Variants in HTT observed in about 807,000 individuals in gnomAD.
HTT encodes huntington disease protein.
HTT carries 104 observed loss-of-function variants against 362.3 expected under a neutral mutation model. That is an observed-to-expected ratio of 0.29 (90% CI 0.24 to 0.34). The LOEUF is 0.34. HTT is among the 10% of genes least tolerant of loss of function. The pLI, the probability that HTT is intolerant of heterozygous loss-of-function variation, is 1.00. For synonymous variants in HTT, 1,577 were observed against 1,548.7 expected (o/e 1.02, Z -0.43); for missense variants, 3,301 against 3,928.6 (o/e 0.84, Z 4.27).
intron 1 of HTT, among the ~76,000 whole-genome samples, chr4:3,083,993 A>G (rs574944712): frequency 6.6e-6 from 1 of 152,278 alleles, no homozygotes; most frequent in Admixed American, 6.5e-5. Context: ...AAAAAAGCCA[A>G]TCCCAAAAGG....
chr4:3,235,603 C>A lies in HTT; in HGVS notation c.8610C>A (p.Thr2870=), dbSNP rs1261429086. 6.2e-7 allele frequency: 1 copy of A among 1,613,904 alleles called. No individual in the cohort carries two copies. The highest frequency in any genetic ancestry group is 1.7e-5 in the Admixed American group (1 of 60,022). The stretch of plus-strand genomic sequence containing the variant: ...TGCTGTCTGGAAGTGAGGAGTCCAC[C>A]CCCTCCATCATTTACCACTGTGCCC... ...GVMLSGSEES[T]PSIIYHCALR... Residue 2870 remains threonine (T), a synonymous_variant, in exon 63 of 67, where the codon ACC becomes ACA. Transcript: ENST00000355072.
At chr4:3,111,053 T>A (rs1714719776) in intron 6 of HTT, among the ~76,000 whole-genome samples, 1 of 152,226 alleles carries the variant, frequency 6.6e-6, no homozygotes, top group African/African-American at 2.4e-5. Context: ...GGTCTTGCCC[T>A]GTTGCCCAGG....
chr4:3,132,848 G>T lies in HTT; in HGVS notation c.2430G>T (p.Leu810Phe), dbSNP rs1217749703. Residue 810 changes from leucine to phenylalanine, a missense_variant, in exon 18 of 67, where the codon TTG becomes TTT. Leu to Phe is a conservative substitution (Grantham distance 22). Around this residue, in one of 4 missense-constraint regions of HTT, gnomAD observed 2,316 missense variants for 2,658.5 expected, o/e 0.87. Coordinates refer to ENST00000355072, the MANE Select transcript of HTT (RefSeq NM_001388492.1). ...NTFSLADCIP[L>F]LRKTLKDESS... ...TTTCTTTGGCGGATTGCATTCCTTT[G>T]CTGCGGAAAACACTGAAGGATGAGT... 6.2e-7 allele frequency: 1 copy of T among 1,614,166 alleles called. No individual in the cohort carries two copies. The highest frequency in any genetic ancestry group is 8.5e-7 in the Non-Finnish European group (1 of 1,179,996).
At chr4:3,076,302 CCT>C (rs915082873) in intron 1 of HTT, among the ~76,000 whole-genome samples, 1 of 152,172 alleles carries the variant, frequency 6.6e-6, no homozygotes, top group Non-Finnish European at 1.5e-5. Context: ...CTTTCTCTTA[CCT>C]CTCAGTATTC....
intron 41 of HTT, among the ~76,000 whole-genome samples, chr4:3,201,649 A>C (rs1719538478): frequency 6.6e-6 from 1 of 152,126 alleles, no homozygotes; most frequent in Non-Finnish European, 1.5e-5. Context: ...AATATGTAAC[A>C]AGCATGTGAG....
intron 51 of HTT, among the ~76,000 whole-genome samples, chr4:3,216,973 C>T (rs1037805449): frequency 2.0e-5 from 3 of 150,226 alleles, no homozygotes; most frequent in East Asian, 2.0e-4. Flanking sequence ...TGCAGTGAGC[C>T]GAGATCCCGC....
intron 11 of HTT, among the ~76,000 whole-genome samples, chr4:3,126,417 G>A (rs1206695691): frequency 6.6e-6 from 1 of 152,038 alleles, no homozygotes; most frequent in Non-Finnish European, 1.5e-5. Flanking sequence ...ATTAACTGAA[G>A]GTACTAATAA....
intron 60 of HTT, among the ~76,000 whole-genome samples, 154 bp from the exon 61 acceptor site, chr4:3,233,009 C>G (rs1721334608): frequency 6.6e-6 from 1 of 152,268 alleles, no homozygotes; most frequent in African/African-American, 2.4e-5. Context: ...AGGGGCCAGC[C>G]TTGCACACAG....
chr4:3,121,718 T>C (rs1156417457), intron 9 of HTT: 2 of 245,886 alleles, frequency 8.1e-6, no homozygotes, highest in African/African-American at 2.3e-5. Context: ...AAAAAAAAAT[T>C]AGCTGGGCAT....
At chr4:3,112,166 C>A (rs1207492292) in intron 6 of HTT, among the ~76,000 whole-genome samples, 1 of 152,168 alleles carries the variant, frequency 6.6e-6, no homozygotes, top group African/African-American at 2.4e-5. Flanking sequence ...GGTAGCAGAG[C>A]TTCACAAGTT....
chr4:3,189,163 A>ATAGT, intron 40 of HTT, 70 bp downstream of exon 40: 4 of 1,499,578 alleles, frequency 2.7e-6, no homozygotes, highest in Non-Finnish European at 3.7e-6. Flanking sequence ...CTCAGAGTGT[A>ATAGT]GGAGCTGTGC....
At chr4:3,188,839 A>T in intron 39 of HTT, 112 bp from the exon 40 acceptor site, 1 of 1,045,358 alleles carries the variant, frequency 9.6e-7, no homozygotes, top group Non-Finnish European at 1.4e-6. Context: ...CGGTTAATGT[A>T]CTCTACCTAT....
intron 29 of HTT, among the ~76,000 whole-genome samples, chr4:3,166,515 T>C (rs915980051): frequency 3.9e-5 from 6 of 152,258 alleles, no homozygotes; most frequent in Non-Finnish European, 4.4e-5. Flanking sequence ...AGATGTGCCC[T>C]TCCCCCAGAG....
chr4:3,094,324 C>T (rs1006673762), intron 2 of HTT, among the ~76,000 whole-genome samples: 4 of 152,248 alleles, frequency 2.6e-5, no homozygotes, highest in Admixed American at 2.0e-4. Context: ...TCTTTCTACG[C>T]AGACACAGTA....
intron 38 of HTT, among the ~76,000 whole-genome samples, chr4:3,187,297 A>G (rs1275063453): frequency 2.0e-5 from 3 of 151,836 alleles, no homozygotes; most frequent in African/African-American, 7.3e-5. Context: ...CTGGGACTAC[A>G]GGTGCGTGCC....
At chr4:3,099,196 A>C (rs952929263) in intron 2 of HTT, 78 bp from the exon 3 acceptor site, 2 of 921,690 alleles carry the variant, frequency 2.2e-6, no homozygotes, top group East Asian at 4.9e-5. Context: ...TCCATGCAGG[A>C]CACCGGATAC....
At chr4:3,133,324 T>TA (rs61554059) in intron 18 of HTT, among the ~76,000 whole-genome samples, 1,309 of 118,726 alleles carry the variant, frequency 0.011, 13 homozygotes, top group African/African-American at 0.027. Flanking sequence ...TACAGAAAAT[T>TA]AAAAAAAAAA....
Position 3,180,560 on chromosome 4 carries a change from G to C in HTT, c.4658G>C (p.Arg1553Thr). Residue 1553 changes from arginine (R) to threonine (T), a missense_variant, in exon 36 of 67, where the codon AGA becomes ACA. Transcript: ENST00000355072. ...ATAGTCCACGACCTCTTTGTATTAA[G>C]AGGAACAAATAAAGCTGATGCAGGA... ...QPIVHDLFVL[R>T]GTNKADAGKE... 1 of 1,613,310 alleles carries C rather than the reference G, an allele frequency of 6.2e-7. No individual in the cohort carries two copies.
intron 26 of HTT, among the ~76,000 whole-genome samples, chr4:3,152,759 G>A (rs905493336): frequency 1.3e-5 from 2 of 150,338 alleles, no homozygotes; most frequent in Non-Finnish European, 2.9e-5. Context: ...CGATTCTCCT[G>A]CCTCAGCCTC....
Sources: allele counts gnomAD v4.1 joint callset (sites outside exome capture counted in the v4.1 genomes callset), GRCh38; gene constraint gnomAD v4.1.1; regional missense constraint gnomAD v4.1.1; transcripts MANE v1.5; gene names NCBI Gene and HGNC (gene_info 2026-07-23, HGNC 2026-07-21).